MARCO: variants seen among roughly 807,000 people sequenced by gnomAD.
The protein encoded by MARCO is macrophage receptor MARCO.
A neutral mutation model predicts 70.0 loss-of-function variants in MARCO; 72 were observed. The ratio of observed to expected loss-of-function variants is 1.03; its 90% CI spans 0.85 to 1.25. The LOEUF (loss-of-function observed/expected upper bound fraction) is 1.25. Among genes scored for constraint, MARCO ranks in the 50% most tolerant of loss-of-function variants. The probability of loss-of-function intolerance (pLI) is 0.00; values close to 1 mark genes in which losing one functional copy is unlikely to be tolerated. For missense variants in MARCO, 696 were observed against 659.3 expected, an observed-to-expected ratio of 1.06 and a Z score of -0.61; for synonymous variants, 273 against 243.1, an observed-to-expected ratio of 1.12 and a Z score of -1.14.
At chr2:118,960,647 T>C (rs1448176476) in intron 1 of MARCO, among the ~76,000 whole-genome samples, 1 of 152,170 alleles carries the variant, frequency 6.6e-6, no homozygotes, top group Non-Finnish European at 1.5e-5. Flanking sequence ...ATATCTGGAA[T>C]AAATCCCACT....
chr2:118,962,036 C>A (rs1202618344), intron 1 of MARCO, among the ~76,000 whole-genome samples: 3 of 151,646 alleles, frequency 2.0e-5, no homozygotes, highest in African/African-American at 7.3e-5. Flanking sequence ...CGTAGACGTG[C>A]GGTCTTATTG....
rs1558671646 is a variant in MARCO, at chr2:118,986,656, G to GAAAGAAAGAAAGAAAGAAAGAAA, written c.1064-3933_1064-3932insAAAGAAAGAAAGAAAGAAAGAAA. ...AAGAAAGAAAGAAAGAAAGAAAGAA[G>GAAAGAAAGAAAGAAAGAAAGAAA]GAAGGAAGGAAGGAAGGAAAGAAAG... On this transcript the variant is annotated intron_variant, in intron 12 of 16. Coordinates refer to ENST00000327097, the MANE Select transcript of MARCO (RefSeq NM_006770.4). Among the ~76,000 whole-genome samples the GAAAGAAAGAAAGAAAGAAAGAAA allele has an allele frequency of 1.8e-4, 5 of 28,262 alleles. 1 individual carries two copies. The highest frequency in any genetic ancestry group is 4.0e-3 in the East Asian group (2 of 500). 18.5% of individuals were successfully genotyped at this position (28,262 alleles called of 152,430 possible). A position where few individuals can be genotyped will look rare whatever the true frequency, so the allele number is the denominator to read the frequency against.
At chr2:118,971,952 C>A (rs1481821832) in intron 4 of MARCO, among the ~76,000 whole-genome samples, 1 of 152,192 alleles carries the variant, frequency 6.6e-6, no homozygotes, top group African/African-American at 2.4e-5. Flanking sequence ...TCCTACAGGG[C>A]AGTAATGATG....
intron 3 of MARCO, 46 bp downstream of exon 3, chr2:118,970,384 G>A: frequency 5.7e-6 from 8 of 1,398,852 alleles, no homozygotes; most frequent in Non-Finnish European, 8.0e-6. Flanking sequence ...ACAGAGGTCT[G>A]GGAGACAGCG....
chr2:118,992,502 ATGTG>A, intron 15 of MARCO, 26 bp downstream of exon 15: 1 of 1,582,014 alleles, frequency 6.3e-7, no homozygotes, highest in Non-Finnish European at 8.7e-7. Context: ...ATTATCTTTA[ATGTG>A]TGCTTTAAAG....
chr2:118,989,887 CT>C (rs1312089235), intron 12 of MARCO, among the ~76,000 whole-genome samples: 1 of 152,142 alleles, frequency 6.6e-6, no homozygotes, highest in Non-Finnish European at 1.5e-5. Flanking sequence ...AGGACATGAT[CT>C]TGCTAAATGA....
chr2:118,950,527 G>A, intron 1 of MARCO, among the ~76,000 whole-genome samples: 1 of 152,160 alleles, frequency 6.6e-6, no homozygotes, highest in East Asian at 1.9e-4. Context: ...TTTACCAAAA[G>A]TTTATTTTGC....
At chr2:118,970,456 G>A in intron 3 of MARCO, 118 bp downstream of exon 3, 2 of 743,194 alleles carry the variant, frequency 2.7e-6, no homozygotes, top group East Asian at 5.4e-5. Context: ...AAGAGCCAGG[G>A]ACTTAGAGCA....
intron 4 of MARCO, among the ~76,000 whole-genome samples, chr2:118,973,288 CCT>C (rs1277176630): frequency 3.5e-5 from 5 of 143,216 alleles, no homozygotes; most frequent in East Asian, 2.0e-4. Context: ...TCCATGTCTC[CCT>C]CTCTCTCTCT....
rs181075309 is a variant in MARCO at position 118,945,311 on chromosome 2, G to A, written c.97+2914G>A. ...TAGGCTTCCTGTCACACTCCTGGCC[G>A]TCTGGTTTCTCAAGGAAGACTACTG... On this transcript the variant is annotated intron_variant, in intron 1 of 16. Coordinates refer to ENST00000327097, the MANE Select transcript of MARCO (RefSeq NM_006770.4). 1.4e-4 allele frequency among the ~76,000 whole-genome samples: 22 copies of A among 151,978 alleles called. 1 individual carries two copies. The East Asian group carries it at 2.7e-3, about 19-fold the overall frequency.
intron 1 of MARCO, among the ~76,000 whole-genome samples, chr2:118,948,419 G>A (rs1679645718): frequency 1.3e-5 from 2 of 152,220 alleles, no homozygotes; most frequent in Admixed American, 1.3e-4. Flanking sequence ...AAAGGTTTAA[G>A]GAAGCAATAA....
chr2:118,992,399 T>C (rs1433423367), intron 14 of MARCO, 33 bp from the exon 15 acceptor site: 7 of 1,609,142 alleles, frequency 4.4e-6, no homozygotes, highest in Non-Finnish European at 6.0e-6. Flanking sequence ...CCTGGGTTTC[T>C]TTCAAACCGT....
At chr2:118,991,436 A>G (rs1680619984) in intron 13 of MARCO, among the ~76,000 whole-genome samples, 1 of 152,016 alleles carries the variant, frequency 6.6e-6, no homozygotes, top group Admixed American at 6.6e-5. Flanking sequence ...CTCTGTTACT[A>G]TTTCAATTCA....
chr2:118,991,999 G>C, intron 14 of MARCO, 124 bp downstream of exon 14: 5 of 742,380 alleles, frequency 6.7e-6, no homozygotes, highest in Non-Finnish European at 1.1e-5. Flanking sequence ...GGAGGGTAGA[G>C]GTTTATTTCC....
rs182893982 is a variant in MARCO at position 118,990,681 on chromosome 2, G to A, written c.1108+48G>A. The A allele has an allele frequency of 8.0e-5, 127 of 1,580,820 alleles. No individual in the cohort carries two copies. In the African/African-American group the frequency reaches 1.4e-3, roughly 18 times the overall value. On this transcript the variant is annotated intron_variant, in intron 13 of 16. Transcript: ENST00000327097. The stretch of plus-strand genomic sequence containing the variant: ...ATCCCTCGGAGTGATGACGGGGAAG[G>A]CCTGCCTTCTCAGAGGGCAGGTCTT...
Position 118,994,386 on chromosome 2 carries a change from G to A in MARCO, c.1430-1G>A. ...CTGTCTCTTGCTTTCTCTCTATCAA[G>A]GCACTGGGCAGATCTGGCTGGATAA... On this transcript the variant is annotated splice_acceptor_variant, in intron 16 of 16. Transcript: ENST00000327097. LOFTEE classifies it high-confidence loss of function. 1 of 1,614,104 alleles carries A rather than the reference G, an allele frequency of 6.2e-7. No individual in the cohort carries two copies. Among genetic ancestry groups the A allele is most frequent in the Non-Finnish European group, 8.5e-7 (1 of 1,180,016 alleles).
chr2:118,994,048 C>A (rs781734596), intron 16 of MARCO, among the ~76,000 whole-genome samples: 1 of 152,054 alleles, frequency 6.6e-6, no homozygotes, highest in African/African-American at 2.4e-5. Context: ...GGCAGGTGGA[C>A]GCAGCAGGAG....
At chr2:118,945,964 C>T (rs906607385) in intron 1 of MARCO, among the ~76,000 whole-genome samples, 1 of 152,196 alleles carries the variant, frequency 6.6e-6, no homozygotes, top group African/African-American at 2.4e-5. Context: ...CGTTCAGGCT[C>T]AGTCTTGCAA....
intron 1 of MARCO, chr2:118,949,435 T>C (rs948720307): frequency 4.6e-5 from 7 of 152,240 alleles, no homozygotes; most frequent in Non-Finnish European, 1.5e-5. Context: ...TCATTTGGCA[T>C]GAGGCGAGTC....
Sources: allele counts gnomAD v4.1 joint callset (sites outside exome capture counted in the v4.1 genomes callset), GRCh38; gene constraint gnomAD v4.1.1; transcripts MANE v1.5; gene names NCBI Gene and HGNC (gene_info 2026-07-23, HGNC 2026-07-21).